C18orf63: variants seen among roughly 807,000 people sequenced by gnomAD.
C18orf63 encodes the protein uncharacterized protein C18orf63.
In C18orf63, 50 loss-of-function variants were observed where a neutral mutation model predicts 75.3. That is an observed-to-expected ratio of 0.66 (90% CI 0.53 to 0.84). C18orf63 has a LOEUF of 0.84. Ranked by LOEUF, C18orf63 falls within the 40% of genes least tolerant of loss-of-function variation. The pLI is 0.00. For missense variants in C18orf63, 732 were observed against 800.2 expected (o/e 0.91, Z 1.03); for synonymous variants, 232 against 267.6 (o/e 0.87, Z 1.30).
Position 74,359,099 on chromosome 18 carries a change from C to G in C18orf63, c.*2652C>G, listed in dbSNP as rs1984822080. 1 of 151,928 alleles carries G rather than the reference C, an allele frequency of 6.6e-6. No homozygotes were observed. Among genetic ancestry groups the G allele is most frequent in the Non-Finnish European group, 1.5e-5 (1 of 67,990 alleles). 9.4% of individuals were successfully genotyped at this position (151,928 alleles called of 1,614,324 possible). ...TATAAATATTTAAGAATGTCATGGT[C>G]CTTATGTTTTGATGTTTAAAATGTT... On this transcript the variant is annotated 3_prime_UTR_variant, in exon 14 of 14. Transcript: ENST00000579455.
intron 10 of C18orf63, 89 bp downstream of exon 10, chr18:74,342,415 T>C: frequency 2.7e-6 from 2 of 748,660 alleles, no homozygotes; most frequent in South Asian, 3.2e-5. Flanking sequence ...CTTTTCAACC[T>C]TCTTTCTCTG....
At chr18:74,322,245 A>G (rs1291331810) in intron 3 of C18orf63, among the ~76,000 whole-genome samples, 1 of 152,218 alleles carries the variant, frequency 6.6e-6, no homozygotes, top group Non-Finnish European at 1.5e-5. Context: ...ACCCTCACGA[A>G]CACTGTAGAT....
At chr18:74,351,602 TGA>T (rs1433575718) in intron 11 of C18orf63, among the ~76,000 whole-genome samples, 2 of 152,168 alleles carry the variant, frequency 1.3e-5, no homozygotes, top group African/African-American at 2.4e-5. Flanking sequence ...CCACACAGCA[TGA>T]GAGATGCCAA....
At chr18:74,355,209 T>C (rs1984742342) in intron 13 of C18orf63, among the ~76,000 whole-genome samples, 1 of 152,242 alleles carries the variant, frequency 6.6e-6, no homozygotes, top group African/African-American at 2.4e-5. Flanking sequence ...TTCCAACTGC[T>C]ATTTCTTCCT....
chr18:74,337,221 G>A (rs1172172912), intron 7 of C18orf63, among the ~76,000 whole-genome samples: 1 of 152,004 alleles, frequency 6.6e-6, no homozygotes, highest in Non-Finnish European at 1.5e-5. Flanking sequence ...CATCATATAA[G>A]GGCACTTTAT....
chr18:74,335,212 G>A (rs1015544617), intron 7 of C18orf63, among the ~76,000 whole-genome samples: 15 of 152,096 alleles, frequency 9.9e-5, no homozygotes, highest in Non-Finnish European at 1.9e-4. Flanking sequence ...AGCATTGACT[G>A]GAGTGAAAGA....
At chr18:74,334,048 A>T (rs1984352878) in intron 7 of C18orf63, among the ~76,000 whole-genome samples, 1 of 152,118 alleles carries the variant, frequency 6.6e-6, no homozygotes, top group African/African-American at 2.4e-5. Flanking sequence ...AATTTTTGAG[A>T]TTCTAGGTCC....
chr18:74,349,552 C>G (rs1984631800), intron 11 of C18orf63, among the ~76,000 whole-genome samples: 1 of 152,160 alleles, frequency 6.6e-6, no homozygotes. Context: ...GCATTAGATT[C>G]TTGTAGGAGC....
intron 8 of C18orf63, among the ~76,000 whole-genome samples, chr18:74,341,002 C>T (rs532195062): frequency 3.3e-5 from 5 of 152,192 alleles, no homozygotes; most frequent in African/African-American, 9.6e-5. Context: ...CGGTGGCTCA[C>T]GCCTGTAGTC....
intron 5 of C18orf63, 123 bp from the exon 6 acceptor site, chr18:74,328,872 T>TA (rs1458798239): frequency 1.8e-6 from 1 of 567,836 alleles, no homozygotes; most frequent in East Asian, 2.8e-5. Flanking sequence ...TTACTTTATA[T>TA]AACAACTGCA....
intron 5 of C18orf63, 123 bp downstream of exon 5, chr18:74,328,181 G>A: frequency 1.6e-6 from 1 of 615,850 alleles, no homozygotes; most frequent in East Asian, 2.8e-5. Context: ...ATAAAGGAAA[G>A]GTTTAGTGGA....
At chr18:74,354,601 C>A in intron 13 of C18orf63, 55 bp downstream of exon 13, 1 of 869,700 alleles carries the variant, frequency 1.1e-6, no homozygotes, top group Non-Finnish European at 1.7e-6. Flanking sequence ...TTGGGATTGC[C>A]AAGTTTAGGG....
At chr18:74,336,620 C>T (rs1046749331) in intron 7 of C18orf63, among the ~76,000 whole-genome samples, 1 of 152,008 alleles carries the variant, frequency 6.6e-6, no homozygotes, top group African/African-American at 2.4e-5. Context: ...GTAGCTTCAG[C>T]CTATACACCA....
At chr18:74,329,373 C>G (rs1403467248) in intron 6 of C18orf63, among the ~76,000 whole-genome samples, 1 of 94,326 alleles carries the variant, frequency 1.1e-5, no homozygotes, top group Admixed American at 1.2e-4. Context: ...GACCCTATTT[C>G]AAAAAAAAAA....
intron 1 of C18orf63, 84 bp from the exon 2 acceptor site, chr18:74,317,750 A>G: frequency 1.3e-6 from 1 of 754,174 alleles, no homozygotes; most frequent in Non-Finnish European, 1.9e-6. Context: ...TTCTAAAACA[A>G]TATCAAATAT....
rs1984724745 is a variant in C18orf63, at chr18:74,354,230, A to T, written c.1963A>T (p.Thr655Ser). ...AACTTCAAAGAAGCATCATTCCGAT[A>T]CTGTGCACTATGGCCAATCCAGTTC... The part of the protein sequence containing the change: ...SKTSKKHHSD[T>S]VHYGQSSSSK... Residue 655 changes from threonine to serine, a missense_variant, in exon 12 of 14, where the codon ACT becomes TCT. Physicochemically the swap from Thr to Ser is moderately conservative, Grantham distance 58. This residue lies in a region of C18orf63 where 495 missense variants were observed against 508.7 expected (regional missense o/e 0.97). Transcript: ENST00000579455. 1 of 1,532,754 alleles carries T rather than the reference A, an allele frequency of 6.5e-7. No individual in the cohort carries two copies. The highest frequency in any genetic ancestry group is 2.4e-5 in the East Asian group (1 of 40,878). The allele number at this position is 1,532,754 out of a possible 1,614,324, so 94.9% of individuals were successfully genotyped here.
At chr18:74,326,523 G>A (rs150972251) in intron 4 of C18orf63, among the ~76,000 whole-genome samples, 3 of 152,084 alleles carry the variant, frequency 2.0e-5, no homozygotes, top group East Asian at 1.9e-4. Context: ...CCCATACTTC[G>A]CACTGAAAAC....
intron 11 of C18orf63, among the ~76,000 whole-genome samples, chr18:74,344,221 T>C (rs577823338): frequency 1.3e-5 from 2 of 152,246 alleles, no homozygotes; most frequent in East Asian, 1.9e-4. Flanking sequence ...AAGTTAAAGA[T>C]GAAATGGCCA....
In C18orf63 at chr18:74,320,530, A is replaced by G. The variant is rs1480587567; in HGVS notation, c.152A>G (p.His51Arg). ...CTCCACAGGCAATTGCTGTTTTTGCATCAAGATATTCTTACATCACCTGTG... is the reference window on the plus strand; with the variant it reads ...CTCCACAGGCAATTGCTGTTTTTGCGTCAAGATATTCTTACATCACCTGTG... ...MKMCRQLLFLHQDILTSPVSG... is the reference protein window; with the variant it reads ...MKMCRQLLFLRQDILTSPVSG... Residue 51 changes from histidine to arginine, a missense_variant, in exon 3 of 14, where the codon CAT (histidine) becomes CGT (arginine). Transcript: ENST00000579455. 4.6e-6 allele frequency: 7 copies of G among 1,534,160 alleles called. No homozygotes were observed. The highest frequency in any genetic ancestry group is 3.9e-5 in the Admixed American group (2 of 50,760).
Sources: gnomAD v4.1 joint callset for allele counts (sites outside exome capture counted in the v4.1 genomes callset) on GRCh38, gnomAD v4.1.1 for gene constraint, gnomAD v4.1.1 regional missense constraint, MANE v1.5 for transcripts, NCBI Gene and HGNC (gene_info 2026-07-23, HGNC 2026-07-21) for gene names.